Variants in ZFAND6 observed in about 807,000 individuals in gnomAD.
The protein encoded by ZFAND6 is zinc finger AN1-type containing 6, also known as AN1-type zinc finger protein 6.
In ZFAND6, 12 loss-of-function variants were observed where a neutral mutation model predicts 24.5. The ratio of observed to expected loss-of-function variants is 0.49; its 90% CI spans 0.31 to 0.79. ZFAND6 has a LOEUF of 0.79. ZFAND6 is among the 30% of genes least tolerant of loss of function. The pLI is 0.04. For missense variants in ZFAND6, 207 were observed against 245.9 expected, an observed-to-expected ratio of 0.84 and a Z score of 1.06; for synonymous variants, 92 against 81.5, an observed-to-expected ratio of 1.13 and a Z score of -0.69.
intron 1 of ZFAND6, among the ~76,000 whole-genome samples, chr15:80,064,609 C>CAT (rs2141780552): frequency 2.1e-4 from 2 of 9,360 alleles, no homozygotes; most frequent in South Asian, 4.3e-3. Context: ...TGTATACATA[C>CAT]ACACACACAC....
chr15:80,094,856 C>T (rs2038623179), intron 1 of ZFAND6, among the ~76,000 whole-genome samples: 1 of 151,988 alleles, frequency 6.6e-6, no homozygotes, highest in Non-Finnish European at 1.5e-5. Context: ...CTCACTGCAA[C>T]CTCTGCCTCC....
At chr15:80,115,528 G>A (rs566396011) in intron 2 of ZFAND6, among the ~76,000 whole-genome samples, 5 of 152,160 alleles carry the variant, frequency 3.3e-5, no homozygotes, top group Non-Finnish European at 5.9e-5. Context: ...GTAGCAAAGG[G>A]AGGGAGGCAG....
chr15:80,095,194 A>G (rs1272648385), intron 1 of ZFAND6, among the ~76,000 whole-genome samples: 1 of 152,118 alleles, frequency 6.6e-6, no homozygotes, highest in East Asian at 1.9e-4. Context: ...GCCTTTAATG[A>G]CACTGACATT....
chr15:80,083,281 G>A (rs758896750), intron 1 of ZFAND6, among the ~76,000 whole-genome samples: 2 of 152,044 alleles, frequency 1.3e-5, no homozygotes, highest in African/African-American at 4.8e-5. Context: ...ATGAGCCACC[G>A]CACCTGGCCT....
chr15:80,073,276 GTAAT>G (rs1460199940), intron 1 of ZFAND6: 10 of 330,642 alleles, frequency 3.0e-5, no homozygotes, highest in African/African-American at 2.2e-4. Context: ...GTGGAGATAA[GTAAT>G]TAACATTTCG....
At chr15:80,087,549 G>T (rs950807981) in intron 1 of ZFAND6, among the ~76,000 whole-genome samples, 12 of 152,062 alleles carry the variant, frequency 7.9e-5, no homozygotes, top group African/African-American at 2.9e-4. Flanking sequence ...AGCACCTCTT[G>T]TTTCATTCTC....
intron 1 of ZFAND6, among the ~76,000 whole-genome samples, chr15:80,095,724 TCTATACA>T (rs2038679892): frequency 6.6e-6 from 1 of 152,242 alleles, no homozygotes; most frequent in Non-Finnish European, 1.5e-5. Context: ...TCCTGAGACT[TCTATACA>T]CTGTTTCAAG....
intron 1 of ZFAND6, among the ~76,000 whole-genome samples, chr15:80,094,962 G>A (rs972463516): frequency 5.3e-5 from 8 of 152,130 alleles, no homozygotes; most frequent in African/African-American, 1.7e-4. Flanking sequence ...TAGTAGAGAT[G>A]GGGTTTCACC....
At chr15:80,128,871 A>G (rs1305911245) in intron 5 of ZFAND6, among the ~76,000 whole-genome samples, 2 of 152,252 alleles carry the variant, frequency 1.3e-5, no homozygotes, top group Non-Finnish European at 2.9e-5. Flanking sequence ...TTGTATGCAT[A>G]GAAGATAGAT....
intron 1 of ZFAND6, among the ~76,000 whole-genome samples, chr15:80,074,197 G>A (rs1567052917): frequency 6.6e-6 from 1 of 151,952 alleles, no homozygotes; most frequent in South Asian, 2.1e-4. Context: ...AGATGTAGAT[G>A]GATATAAAGC....
At chr15:80,135,863 C>T (rs1265241450) in intron 6 of ZFAND6, among the ~76,000 whole-genome samples, 2 of 152,178 alleles carry the variant, frequency 1.3e-5, no homozygotes, top group African/African-American at 2.4e-5. Context: ...CAGTGTCTCA[C>T]ACCTGTATTC....
At chr15:80,081,446 A>G (rs1327694313) in intron 1 of ZFAND6, among the ~76,000 whole-genome samples, 1 of 152,248 alleles carries the variant, frequency 6.6e-6, no homozygotes, top group African/African-American at 2.4e-5. Flanking sequence ...TCAAGAACCA[A>G]GCAGCTCCCA....
intron 1 of ZFAND6, among the ~76,000 whole-genome samples, chr15:80,086,866 T>C (rs754680290): frequency 1.4e-4 from 21 of 152,238 alleles, no homozygotes; most frequent in African/African-American, 4.8e-4. Flanking sequence ...TTTCTGTCAC[T>C]GTGAGTTTGA....
chr15:80,116,155 T>G (rs1342486996), intron 2 of ZFAND6, among the ~76,000 whole-genome samples: 1 of 151,854 alleles, frequency 6.6e-6, no homozygotes, highest in East Asian at 1.9e-4. Flanking sequence ...TCCAGAGAGA[T>G]ATTGCAGGTC....
intron 2 of ZFAND6, chr15:80,115,072 C>A (rs1465913014): frequency 6.6e-6 from 1 of 151,966 alleles, no homozygotes; most frequent in Non-Finnish European, 1.5e-5. Flanking sequence ...GGAACTTGGG[C>A]AAGTTACTAA....
chr15:80,100,748 A>G (rs999400599), intron 2 of ZFAND6, among the ~76,000 whole-genome samples: 4 of 152,178 alleles, frequency 2.6e-5, no homozygotes, highest in African/African-American at 4.8e-5. Context: ...TTACTGTTGT[A>G]TAATGCAGTA....
At chr15:80,064,741 A>C (rs1596170423) in intron 1 of ZFAND6, among the ~76,000 whole-genome samples, 1 of 152,226 alleles carries the variant, frequency 6.6e-6, no homozygotes, top group Non-Finnish European at 1.5e-5. Flanking sequence ...CCTGGGCTGA[A>C]GTGATTATCC....
intron 6 of ZFAND6, among the ~76,000 whole-genome samples, chr15:80,137,124 C>G (rs983010159): frequency 1.1e-4 from 16 of 152,182 alleles, no homozygotes; most frequent in Non-Finnish European, 1.6e-4. Context: ...TAAATAAATG[C>G]CAAGACTGCC....
chr15:80,109,953 T>C (rs897773404), intron 2 of ZFAND6, among the ~76,000 whole-genome samples: 1 of 152,194 alleles, frequency 6.6e-6, no homozygotes, highest in Non-Finnish European at 1.5e-5. Context: ...ACATGTCAGC[T>C]AAGGCTGCAG....
Sources: allele counts gnomAD v4.1 joint callset (sites outside exome capture counted in the v4.1 genomes callset), GRCh38; gene constraint gnomAD v4.1.1; transcripts MANE v1.5; gene names NCBI Gene and HGNC (gene_info 2026-07-23, HGNC 2026-07-21).